The following ANKS1B variants were observed in gnomAD, a reference collection of about 807,000 sequenced individuals.
ANKS1B encodes ankyrin repeat and sterile alpha motif domain-containing protein 1B.
Under a neutral mutation model 148.3 loss-of-function variants are expected in ANKS1B, and 36 were observed. The observed-to-expected ratio is 0.24, with a 90% CI of 0.19 to 0.32. The LOEUF is 0.32. Among genes scored for constraint, ANKS1B ranks in the 10% least tolerant of loss-of-function variants. ANKS1B has a pLI of 1.00. For missense variants in ANKS1B, 1,157 were observed against 1,542.6 expected (o/e 0.75, Z 4.19); for synonymous variants, 542 against 560.8 (o/e 0.97, Z 0.47).
At chr12:99,214,451 A>G (rs937284539) in intron 14 of ANKS1B, among the ~76,000 whole-genome samples, 2 of 152,076 alleles carry the variant, frequency 1.3e-5, no homozygotes, top group East Asian at 1.9e-4. Context: ...TGCTGTTCTC[A>G]TGGTAGTTAA....
chr12:98,741,659 G>A (rs1052729713), downstream of ANKS1B, among the ~76,000 whole-genome samples: 2 of 152,100 alleles, frequency 1.3e-5, no homozygotes, highest in Non-Finnish European at 2.9e-5. Flanking sequence ...CCCCAGAAAC[G>A]GCCCGCTAAA....
chr12:98,968,228 C>T (rs1181033944), intron 17 of ANKS1B, among the ~76,000 whole-genome samples: 1 of 152,022 alleles, frequency 6.6e-6, no homozygotes, highest in Admixed American at 6.6e-5. Context: ...AAAACAACAA[C>T]AAAAAACCCC....
intron 25 of ANKS1B, among the ~76,000 whole-genome samples, chr12:98,765,665 G>T (rs151290663): frequency 0.016 from 2,371 of 150,722 alleles, 21 homozygotes; most frequent in Middle Eastern, 0.025. Context: ...TCCCAGGTTC[G>T]AGTGATTCTC....
chr12:99,315,340 A>G (rs2083871934), intron 12 of ANKS1B, among the ~76,000 whole-genome samples: 1 of 152,106 alleles, frequency 6.6e-6, no homozygotes, highest in South Asian at 2.1e-4. Context: ...TAATATGCAA[A>G]AGTTAAAGGA....
intron 12 of ANKS1B, among the ~76,000 whole-genome samples, chr12:99,285,091 A>C (rs1160069422): frequency 1.3e-5 from 2 of 152,174 alleles, no homozygotes; most frequent in Non-Finnish European, 1.5e-5. Context: ...ATTTCCTTTT[A>C]CCCTTTTGTA....
At chr12:98,777,680 C>T (rs992245714) in intron 24 of ANKS1B, among the ~76,000 whole-genome samples, 3 of 152,242 alleles carry the variant, frequency 2.0e-5, no homozygotes, top group South Asian at 4.1e-4. Flanking sequence ...CTTTCTGCTT[C>T]CTCCTTCTTA....
chr12:99,659,404 A>C (rs1158960930), intron 8 of ANKS1B, among the ~76,000 whole-genome samples: 1 of 25,272 alleles, frequency 4.0e-5, no homozygotes, highest in Non-Finnish European at 6.1e-5. Context: ...ATTCTACTAT[A>C]AAAAAAAATA....
chr12:99,728,446 A>G (rs962988111), intron 8 of ANKS1B, among the ~76,000 whole-genome samples: 3 of 152,210 alleles, frequency 2.0e-5, no homozygotes, highest in African/African-American at 7.2e-5. Flanking sequence ...TGCCAGTCAG[A>G]ATGGTAATTA....
chr12:99,135,199 T>G (rs1188706043), intron 15 of ANKS1B, among the ~76,000 whole-genome samples: 1 of 152,086 alleles, frequency 6.6e-6, no homozygotes, highest in Admixed American at 6.6e-5. Context: ...TATTTAAACA[T>G]TGAAAGCAAT....
chr12:99,513,058 G>GA lies in ANKS1B; in HGVS notation c.1273-8418dup, dbSNP rs1249520559. Among the ~76,000 whole-genome samples, 386 of 140,184 alleles carry GA rather than the reference G, an allele frequency of 2.8e-3. 1 individual carries two copies. Among genetic ancestry groups the GA allele is most frequent in the African/African-American group, 5.1e-3 (196 of 38,446 alleles). 92.0% of individuals were successfully genotyped at this position (140,184 alleles called of 152,430 possible). ...GTACCCTGGAACTTAAAAGTTGAAA[G>GA]AAAAAAAAAAAACTGTCACAGTCAC... On this transcript the variant is annotated intron_variant, in intron 9 of 26. Coordinates refer to ENST00000683438, the MANE Select transcript of ANKS1B (RefSeq NM_001352186.2).
intron 10 of ANKS1B, among the ~76,000 whole-genome samples, chr12:99,491,556 T>C (rs1175929169): frequency 1.3e-5 from 2 of 152,088 alleles, no homozygotes; most frequent in African/African-American, 4.8e-5. Flanking sequence ...CACCCACAAG[T>C]AGGCCCCAGG....
At chr12:98,754,889 T>C (rs10860363) in intron 25 of ANKS1B, among the ~76,000 whole-genome samples, 74,358 of 152,060 alleles carry the variant, frequency 0.49, 18,722 homozygotes, top group African/African-American at 0.59. Context: ...AATGGCTTCT[T>C]CTGGTTCCGC....
At chr12:99,119,594 A>C (rs2153721917) in intron 15 of ANKS1B, among the ~76,000 whole-genome samples, 1 of 152,268 alleles carries the variant, frequency 6.6e-6, no homozygotes, top group Admixed American at 6.5e-5. Context: ...GCTGCTGGTA[A>C]GAGTAGAGCT....
chr12:99,454,040 A>T (rs1179457321), intron 10 of ANKS1B, among the ~76,000 whole-genome samples: 1 of 152,226 alleles, frequency 6.6e-6, no homozygotes, highest in Non-Finnish European at 1.5e-5. Flanking sequence ...CAGGCAAAGA[A>T]AACAGAATAT....
At chr12:99,397,733 A>G (rs1362560111) in intron 12 of ANKS1B, among the ~76,000 whole-genome samples, 2 of 152,168 alleles carry the variant, frequency 1.3e-5, no homozygotes, top group Non-Finnish European at 2.9e-5. Context: ...TGATATACAT[A>G]AAATGCCTAA....
chr12:99,003,064 T>C (rs943081148), intron 17 of ANKS1B, among the ~76,000 whole-genome samples: 11 of 152,206 alleles, frequency 7.2e-5, no homozygotes, highest in African/African-American at 2.7e-4. Context: ...AGAGCCAGTT[T>C]TCTCAACACT....
intron 17 of ANKS1B, among the ~76,000 whole-genome samples, chr12:98,940,751 C>T (rs483610): frequency 0.61 from 93,137 of 152,028 alleles, 31,791 homozygotes; most frequent in Non-Finnish European, 0.76. Flanking sequence ...ATGAGATACA[C>T]AAGAACATAT....
intron 11 of ANKS1B, among the ~76,000 whole-genome samples, chr12:99,439,980 T>C (rs1490949227): frequency 2.6e-5 from 4 of 151,732 alleles, no homozygotes; most frequent in African/African-American, 9.7e-5. Flanking sequence ...AGAAACAACA[T>C]GGATTAATTT....
intron 9 of ANKS1B, among the ~76,000 whole-genome samples, chr12:99,581,915 A>AG (rs1491339818): frequency 6.6e-6 from 1 of 150,662 alleles, no homozygotes; most frequent in Non-Finnish European, 1.5e-5. Flanking sequence ...AAAAAAAAAA[A>AG]GAAAAAAGAA....
Sources: allele counts gnomAD v4.1 joint callset (sites outside exome capture counted in the v4.1 genomes callset), GRCh38; gene constraint gnomAD v4.1.1; transcripts MANE v1.5; gene names NCBI Gene and HGNC (gene_info 2026-07-23, HGNC 2026-07-21).